The following FADS6 variants were observed in gnomAD, a reference collection of about 807,000 sequenced individuals.
FADS6 encodes the protein fatty acid desaturase domain family, member 6.
A neutral mutation model predicts 31.7 loss-of-function variants in FADS6; 28 were observed. The observed-to-expected ratio is 0.88, with a 90% CI of 0.66 to 1.21. FADS6 has a LOEUF of 1.21. Among genes scored for constraint, FADS6 ranks in the 50% most tolerant of loss-of-function variants. The probability of loss-of-function intolerance (pLI) is 0.00; values close to 1 mark genes in which losing one functional copy is unlikely to be tolerated. For missense variants in FADS6, 494 were observed against 504.2 expected (o/e 0.98, Z 0.19); for synonymous variants, 191 against 213.1 (o/e 0.90, Z 0.90).
In FADS6 at chr17:74,878,403, G is replaced by T; in HGVS notation, c.1035C>A (p.Phe345Leu). Reference sequence around the variant, plus strand: ...CCTCATAGCGACGGAGAAACAGCTGGAAGCGAGCCAGGTATGAGTCCTCGT... The same window carrying T: ...CCTCATAGCGACGGAGAAACAGCTGTAAGCGAGCCAGGTATGAGTCCTCGT... ...PYNEDSYLAR[F>L]QLFLRRYEEF... Residue 345 changes from phenylalanine (F) to leucine (L), a missense_variant, in exon 6 of 6, where the codon TTC becomes TTA. Physicochemically the swap from Phe to Leu is conservative, Grantham distance 22. This residue lies in a region of FADS6 where 454 missense variants were observed against 438.5 expected (regional missense o/e 1.04). Transcript: ENST00000612771. 1 of 1,614,040 alleles carries T rather than the reference G, an allele frequency of 6.2e-7. No homozygotes were observed. Among genetic ancestry groups the T allele is most frequent in the South Asian group, 1.1e-5 (1 of 91,080 alleles).
intron 2 of FADS6, among the ~76,000 whole-genome samples, chr17:74,887,048 C>A (rs1161686659): frequency 6.9e-6 from 1 of 145,162 alleles, no homozygotes; most frequent in South Asian, 2.2e-4. Flanking sequence ...CACACGCACA[C>A]ACACTCCAGT....
chr17:74,887,567 A>G (rs951084590), intron 2 of FADS6, among the ~76,000 whole-genome samples: 1 of 152,222 alleles, frequency 6.6e-6, no homozygotes, highest in African/African-American at 2.4e-5. Context: ...GTGTTTTCTC[A>G]TCTACAAAGT....
At chr17:74,885,714 A>C (rs2038615471) in intron 2 of FADS6, among the ~76,000 whole-genome samples, 1 of 151,704 alleles carries the variant, frequency 6.6e-6, no homozygotes, top group Non-Finnish European at 1.5e-5. Context: ...TGTCCTTACC[A>C]TCTCTCAGCC....
chr17:74,878,597 G>A, intron 5 of FADS6, 120 bp from the exon 6 acceptor site: 1 of 1,255,782 alleles, frequency 8.0e-7, no homozygotes, highest in Middle Eastern at 2.1e-4. Flanking sequence ...CTTGTTCCAA[G>A]ATTCTCCGGA....
intron 2 of FADS6, among the ~76,000 whole-genome samples, chr17:74,891,367 T>C (rs2038687195): frequency 6.6e-6 from 1 of 151,960 alleles, no homozygotes; most frequent in Non-Finnish European, 1.5e-5. Flanking sequence ...AATCCAAACA[T>C]AGCTCATTCT....
At chr17:74,876,035 GTC>G (rs1187968361), downstream of FADS6, among the ~76,000 whole-genome samples, 1 of 152,228 alleles carries the variant, frequency 6.6e-6, no homozygotes, top group Non-Finnish European at 1.5e-5. Flanking sequence ...ACTAGTGAGA[GTC>G]TGTAGCTATG....
At chr17:74,878,544 G>A in intron 5 of FADS6, 67 bp from the exon 6 acceptor site, 1 of 1,564,832 alleles carries the variant, frequency 6.4e-7, no homozygotes, top group African/African-American at 1.4e-5. Context: ...ATCCCGTCAG[G>A]GGAGGGAGGG....
At position 74,882,583 on chromosome 17, in the gene FADS6, T is replaced by C; in HGVS notation, c.539A>G (p.Tyr180Cys). 1.2e-6 allele frequency: 2 copies of C among 1,612,146 alleles called. No individual in the cohort carries two copies. The highest frequency in any genetic ancestry group is 1.1e-5 in the South Asian group (1 of 90,518). The change falls in exon 3 of 6, where the codon TAC (tyrosine) becomes TGC (cysteine). Residue 180 changes from tyrosine to cysteine, a missense_variant. Coordinates refer to ENST00000612771, the MANE Select transcript of FADS6 (RefSeq NM_178128.6). ...WRLPCLNRYVYMFLAPFLLPI... is the reference protein window; with the variant it reads ...WRLPCLNRYVCMFLAPFLLPI... ...GAGGAGGAAAGGAGCAAGGAACATGTAGACATAGCGGTTGAGGCAAGGCAG... is the reference window on the plus strand; with the variant it reads ...GAGGAGGAAAGGAGCAAGGAACATGCAGACATAGCGGTTGAGGCAAGGCAG...
intron 4 of FADS6, among the ~76,000 whole-genome samples, chr17:74,880,752 TTG>T (rs1264100044): frequency 6.6e-6 from 1 of 152,148 alleles, no homozygotes; most frequent in Non-Finnish European, 1.5e-5. Context: ...AATCCCATAA[TTG>T]TGTCCTGTCC....
Position 74,879,545 on chromosome 17 carries a change from G to T in FADS6, c.819C>A (p.Pro273=). The T allele has an allele frequency of 6.2e-7, 1 of 1,613,320 alleles. No individual in the cohort carries two copies. The highest frequency in any genetic ancestry group is 2.2e-5 in the East Asian group (1 of 44,882). ...GLPMFSRDNK[P]RRIHMMSLGV... ...CCAGGCTCATCATGTGAATCCGACG[G>T]GGCTTGTTGTCCCGGGAGAACATGG... Residue 273 remains proline, a synonymous_variant, in exon 5 of 6, where the codon CCC becomes CCA. Transcript: ENST00000612771.
chr17:74,888,423 C>T (rs2038653950), intron 2 of FADS6, among the ~76,000 whole-genome samples: 1 of 152,140 alleles, frequency 6.6e-6, no homozygotes, highest in East Asian at 1.9e-4. Context: ...ACTTAGGCAA[C>T]AGCTCTCGAG....
In FADS6 at chr17:74,879,594, C is replaced by T. The variant is rs1349670975; in HGVS notation, c.781-11G>A. ...GGGCAGTCCGATGTGCTGTGACAGA[C>T]ACGTGGGTCACGCCGGGCAGCCTGG... is the stretch of plus-strand genomic sequence containing the variant. On this transcript the variant is annotated splice_polypyrimidine_tract_variant and intron_variant, in intron 4 of 5. Transcript: ENST00000612771. 1 of 1,606,042 alleles carries T rather than the reference C, an allele frequency of 6.2e-7. No homozygotes were observed. Among genetic ancestry groups the T allele is most frequent in the Non-Finnish European group, 8.5e-7 (1 of 1,175,726 alleles).
intron 2 of FADS6, chr17:74,882,968 T>TG (rs756197513): frequency 3.6e-4 from 320 of 890,590 alleles, no homozygotes; most frequent in Non-Finnish European, 5.0e-4. Context: ...GCTGGACCCC[T>TG]GGAGTGCCAA....
chr17:74,879,367 C>T, intron 5 of FADS6, 37 bp downstream of exon 5: 1 of 1,602,132 alleles, frequency 6.2e-7, no homozygotes, highest in Non-Finnish European at 8.5e-7. Flanking sequence ...TCTAACAGTC[C>T]CTTTATTCCA....
intron 2 of FADS6, among the ~76,000 whole-genome samples, chr17:74,887,919 C>G (rs2144720177): frequency 6.6e-6 from 1 of 152,282 alleles, no homozygotes; most frequent in East Asian, 1.9e-4. Context: ...ATCTCCTGAC[C>G]TCGTGATCCA....
intron 2 of FADS6, among the ~76,000 whole-genome samples, chr17:74,883,313 C>G (rs1453806585): frequency 6.6e-6 from 1 of 152,246 alleles, no homozygotes; most frequent in Non-Finnish European, 1.5e-5. Context: ...CACGTGCGCT[C>G]TGACTCCTAG....
At chr17:74,891,895 C>T (rs959583218) in intron 2 of FADS6, among the ~76,000 whole-genome samples, 1 of 152,136 alleles carries the variant, frequency 6.6e-6, no homozygotes, top group African/African-American at 2.4e-5. Context: ...AGGCGACGGT[C>T]CCCCTGGAAA....
chr17:74,889,918 C>T (rs533982594), intron 2 of FADS6, among the ~76,000 whole-genome samples: 1 of 145,934 alleles, frequency 6.9e-6, no homozygotes, highest in African/African-American at 2.5e-5. Context: ...AACTGCTAAC[C>T]CTTTCCTTGC....
At chr17:74,879,632 C>A (rs768913106) in intron 4 of FADS6, 49 bp from the exon 5 acceptor site, 4 of 1,565,272 alleles carry the variant, frequency 2.6e-6, no homozygotes, top group Non-Finnish European at 3.5e-6. Context: ...CTCCCCACCC[C>A]ACTCCAGGTG....
Sources: gnomAD v4.1 joint callset for allele counts (sites outside exome capture counted in the v4.1 genomes callset) on GRCh38, gnomAD v4.1.1 for gene constraint, gnomAD v4.1.1 regional missense constraint, MANE v1.5 for transcripts, NCBI Gene and HGNC (gene_info 2026-07-23, HGNC 2026-07-21) for gene names.